Variants in PANX1 observed in about 807,000 individuals in gnomAD.
PANX1 encodes the protein pannexin-1.
PANX1 carries 30 observed loss-of-function variants against 38.7 expected under a neutral mutation model. That is an observed-to-expected ratio of 0.78 (90% CI 0.58 to 1.05). The LOEUF (loss-of-function observed/expected upper bound fraction) is 1.05, where lower values mean the gene tolerates loss of function less well. Ranked by LOEUF, PANX1 falls within the 50% of genes least tolerant of loss-of-function variation. The pLI is 0.00. For missense variants in PANX1, 551 were observed against 517.2 expected, an observed-to-expected ratio of 1.07 and a Z score of -0.63; for synonymous variants, 230 against 212.2, an observed-to-expected ratio of 1.08 and a Z score of -0.73.
chr11:94,137,357 A>G (rs1405042206), intron 1 of PANX1, among the ~76,000 whole-genome samples: 1 of 152,098 alleles, frequency 6.6e-6, no homozygotes, highest in East Asian at 1.9e-4. Context: ...ACCTTCATGG[A>G]CTCTAGGTTT....
chr11:94,161,958 G>T (rs549683227), intron 2 of PANX1, among the ~76,000 whole-genome samples: 1 of 152,288 alleles, frequency 6.6e-6, no homozygotes, highest in Admixed American at 6.5e-5. Context: ...TCAGCTGCAG[G>T]TGTGTTGGAG....
At chr11:94,178,110 C>T (rs1947255867) in intron 2 of PANX1, among the ~76,000 whole-genome samples, 2 of 151,988 alleles carry the variant, frequency 1.3e-5, no homozygotes, top group Non-Finnish European at 2.9e-5. Context: ...GTGATTAGAA[C>T]GTACACACCA....
intron 1 of PANX1, among the ~76,000 whole-genome samples, chr11:94,135,307 G>A (rs1312843496): frequency 6.6e-6 from 1 of 152,218 alleles, no homozygotes; most frequent in African/African-American, 2.4e-5. Context: ...GCAGGCATTG[G>A]GCCAGCCCCA....
intron 2 of PANX1, among the ~76,000 whole-genome samples, chr11:94,166,912 C>T (rs1200066173): frequency 6.6e-6 from 1 of 152,138 alleles, no homozygotes; most frequent in Non-Finnish European, 1.5e-5. Context: ...GCTTCTAAGA[C>T]CAGTGCAGCA....
Position 94,129,407 on chromosome 11 carries a change from T to A in PANX1, c.95T>A (p.Leu32Gln). The A allele has an allele frequency of 6.2e-7, 1 of 1,614,108 alleles. No homozygotes were observed. Among genetic ancestry groups the A allele is most frequent in the Non-Finnish European group, 8.5e-7 (1 of 1,179,976 alleles). ...EPKFKGLRLELAVDKMVTCIA... is the reference protein window; with the variant it reads ...EPKFKGLRLEQAVDKMVTCIA... ...AAGTTCAAGGGGCTGCGACTGGAGC[T>A]GGCTGTGGACAAGATGGTCACGTGC... Residue 32 changes from leucine to glutamine, a missense_variant, in exon 1 of 5, where the codon CTG becomes CAG. Leu to Gln is a moderately radical substitution (Grantham distance 113, BLOSUM62 -2). Coordinates refer to ENST00000227638, the MANE Select transcript of PANX1 (RefSeq NM_015368.4).
rs565212906 is a variant in PANX1, at chr11:94,169,015, G to A, written c.322-9354G>A. On this transcript the variant is annotated intron_variant, in intron 2 of 4. Transcript: ENST00000227638. ...AAGCAGATTTTGGAGGAAAATCAAA[G>A]AGTTCTGCTTGAACATGTTGAATCA... Among the ~76,000 whole-genome samples the A allele has an allele frequency of 4.6e-5, 7 of 151,800 alleles. No homozygotes were observed. The East Asian group carries it at 1.2e-3, about 25-fold the overall frequency.
At chr11:94,175,914 G>T (rs952340871) in intron 2 of PANX1, 1 of 984,298 alleles carries the variant, frequency 1.0e-6, no homozygotes, top group South Asian at 4.7e-5. Flanking sequence ...AAAGTTTTGG[G>T]GTCATTTGTG....
chr11:94,155,411 G>A (rs1421201524), intron 2 of PANX1, among the ~76,000 whole-genome samples: 1 of 151,690 alleles, frequency 6.6e-6, no homozygotes, highest in Non-Finnish European at 1.5e-5. Flanking sequence ...TTACTCGGGA[G>A]GCTGAGGCAG....
chr11:94,155,508 C>A (rs1238758398), intron 2 of PANX1, among the ~76,000 whole-genome samples: 4 of 151,812 alleles, frequency 2.6e-5, no homozygotes, highest in Admixed American at 2.0e-4. Context: ...AGTGAGACTC[C>A]AAAAAATAAT....
intron 1 of PANX1, among the ~76,000 whole-genome samples, chr11:94,144,805 G>C (rs1565374631): frequency 1.3e-5 from 2 of 152,074 alleles, no homozygotes; most frequent in Admixed American, 1.3e-4. Context: ...ACTCAGGGCT[G>C]AATTGCAACT....
Position 94,178,434 on chromosome 11 carries a change from C to T in PANX1, c.387C>T (p.Phe129=), listed in dbSNP as rs371008778. 41 of 1,614,114 alleles carry T rather than the reference C, an allele frequency of 2.5e-5. 1 individual carries two copies. In the South Asian group the frequency reaches 2.6e-4, roughly 10 times the overall value. The part of the protein sequence containing the change: ...LLYLPPLFWR[F]AAAPHICSDL... Reference sequence around the variant, plus strand: ...ACCTGCCCCCGCTGTTCTGGCGTTTCGCAGCTGCTCCTCATATTTGCTCAG... The same window carrying T: ...ACCTGCCCCCGCTGTTCTGGCGTTTTGCAGCTGCTCCTCATATTTGCTCAG... Residue 129 remains phenylalanine (F), a synonymous_variant, in exon 3 of 5, where the codon TTC becomes TTT. Transcript: ENST00000227638.
At chr11:94,168,265 C>T (rs1478569441) in intron 2 of PANX1, among the ~76,000 whole-genome samples, 1 of 152,064 alleles carries the variant, frequency 6.6e-6, no homozygotes. Context: ...CTGTTGGGGG[C>T]ATTGGGGCCT....
chr11:94,171,882 G>A (rs750870066), intron 2 of PANX1, among the ~76,000 whole-genome samples: 1 of 146,622 alleles, frequency 6.8e-6, no homozygotes, highest in Non-Finnish European at 1.5e-5. Context: ...AGTAGGTGGC[G>A]CTCTAACACT....
Position 94,129,306 on chromosome 11 carries a change from C to A in PANX1, c.-7C>A. 1 of 1,598,608 alleles carries A rather than the reference C, an allele frequency of 6.3e-7. No homozygotes were observed. Among genetic ancestry groups the A allele is most frequent in the Non-Finnish European group, 8.6e-7 (1 of 1,168,178 alleles). ...GACCTCCTGGTCGAGCCTGGCGCGC[C>A]GCAGCCATGGCCATCGCTCAACTGG... On this transcript the variant is annotated 5_prime_UTR_variant, in exon 1 of 5. Transcript: ENST00000227638.
intron 2 of PANX1, among the ~76,000 whole-genome samples, chr11:94,156,523 G>A (rs185928474): frequency 3.9e-5 from 6 of 152,080 alleles, no homozygotes; most frequent in African/African-American, 1.2e-4. Flanking sequence ...AATAAGGGGC[G>A]ATCCAGAATT....
intron 1 of PANX1, among the ~76,000 whole-genome samples, chr11:94,148,372 G>C (rs1946849790): frequency 6.6e-6 from 1 of 152,182 alleles, no homozygotes; most frequent in East Asian, 1.9e-4. Flanking sequence ...TATAAGTATT[G>C]GGCAAGAATA....
intron 1 of PANX1, among the ~76,000 whole-genome samples, chr11:94,131,513 A>G (rs1427176335): frequency 6.6e-6 from 1 of 152,200 alleles, no homozygotes; most frequent in East Asian, 1.9e-4. Flanking sequence ...GTTAGCAGGT[A>G]AGTCATTCAG....
At chr11:94,168,946 G>A (rs181019051) in intron 2 of PANX1, among the ~76,000 whole-genome samples, 5 of 151,778 alleles carry the variant, frequency 3.3e-5, no homozygotes, top group East Asian at 1.9e-4. Context: ...TTCAGGCACC[G>A]GATGGAATGA....
chr11:94,172,523 AG>A (rs1274597192), intron 2 of PANX1, among the ~76,000 whole-genome samples: 1 of 151,838 alleles, frequency 6.6e-6, no homozygotes, highest in Non-Finnish European at 1.5e-5. Context: ...GAGCCAAATC[AG>A]TCCATACCTG....
Sources: gnomAD v4.1 joint callset for allele counts (sites outside exome capture counted in the v4.1 genomes callset) on GRCh38, gnomAD v4.1.1 for gene constraint, MANE v1.5 for transcripts, NCBI Gene and HGNC (gene_info 2026-07-23, HGNC 2026-07-21) for gene names.